LRRC4C: variants seen among roughly 807,000 people sequenced by gnomAD.
LRRC4C encodes leucine rich repeat containing 4C.
Under a neutral mutation model 33.6 loss-of-function variants are expected in LRRC4C, and 5 were observed. The observed-to-expected ratio is 0.15, with a 90% CI of 0.08 to 0.31. The LOEUF (loss-of-function observed/expected upper bound fraction) is 0.31, where lower values mean the gene tolerates loss of function less well. Among genes scored for constraint, LRRC4C ranks in the 10% least tolerant of loss-of-function variants. LRRC4C has a pLI of 1.00. For missense variants in LRRC4C, 560 were observed against 796.7 expected, an observed-to-expected ratio of 0.70 and a Z score of 3.58; for synonymous variants, 329 against 302.0, an observed-to-expected ratio of 1.09 and a Z score of -0.93.
intron 3 of LRRC4C, among the ~76,000 whole-genome samples, chr11:40,506,218 A>C (rs1955025678): frequency 6.6e-6 from 1 of 152,206 alleles, no homozygotes; most frequent in Non-Finnish European, 1.5e-5. Flanking sequence ...ATTTATAATG[A>C]TGAGATGAAG....
At chr11:41,024,608 T>TG (rs1365048694) in intron 1 of LRRC4C, among the ~76,000 whole-genome samples, 17 of 151,708 alleles carry the variant, frequency 1.1e-4, no homozygotes, top group African/African-American at 3.6e-4. Context: ...AGCAACCTTA[T>TG]GTCTTATTTA....
rs141416534 is a variant in LRRC4C at position 40,343,572 on chromosome 11, T to C, written c.-269-23851A>G. Among the ~76,000 whole-genome samples the C allele has an allele frequency of 2.2e-3, 341 of 152,098 alleles. 3 individuals are homozygous for C. Among genetic ancestry groups the C allele is most frequent in the African/African-American group, 7.8e-3 (322 of 41,530 alleles). On this transcript the variant is annotated intron_variant, in intron 3 of 6. Transcript: ENST00000528697. ...CCCCTCTTTGGTCCATGCGTTCTCA[T>C]TGATTAGCTCCCACTTATAAGTGAG...
intron 1 of LRRC4C, among the ~76,000 whole-genome samples, chr11:41,065,850 A>G (rs1938194634): frequency 6.6e-6 from 1 of 152,202 alleles, no homozygotes; most frequent in South Asian, 2.1e-4. Flanking sequence ...TAACACAGAG[A>G]CGCAGAAATA....
At chr11:40,266,931 C>T (rs1397645049) in intron 4 of LRRC4C, among the ~76,000 whole-genome samples, 1 of 148,572 alleles carries the variant, frequency 6.7e-6, no homozygotes, top group Admixed American at 6.7e-5. Context: ...GTTCTAAACA[C>T]ACACCACACC....
chr11:41,297,784 A>G (rs1591190384), intron 1 of LRRC4C, among the ~76,000 whole-genome samples: 1 of 152,336 alleles, frequency 6.6e-6, no homozygotes, highest in Non-Finnish European at 1.5e-5. Context: ...GATCCTTTTC[A>G]ATATAATGAT....
chr11:41,379,728 T>G (rs1461004392), intron 1 of LRRC4C, among the ~76,000 whole-genome samples: 1 of 152,050 alleles, frequency 6.6e-6, no homozygotes, highest in Non-Finnish European at 1.5e-5. Flanking sequence ...GCCTCAGTAC[T>G]TAACACTGGT....
chr11:41,056,676 A>G (rs1565341729), intron 1 of LRRC4C, among the ~76,000 whole-genome samples: 1 of 152,238 alleles, frequency 6.6e-6, no homozygotes, highest in Non-Finnish European at 1.5e-5. Context: ...CGATACCACT[A>G]ATCATTAGAT....
intron 6 of LRRC4C, among the ~76,000 whole-genome samples, chr11:40,122,056 G>A (rs1285844964): frequency 6.6e-6 from 1 of 151,972 alleles, no homozygotes; most frequent in African/African-American, 2.4e-5. Context: ...ATCCTTATAG[G>A]AACTTCCCCC....
rs185266900 is a variant in LRRC4C, at chr11:41,331,563, G to A, written c.-496+127868C>T. On this transcript the variant is annotated intron_variant, in intron 1 of 6. Transcript: ENST00000528697. ...CACTCACTCTGCTCCCAGCACAGTA[G>A]ACATCTTGCTGTTTCTTAATACACC... 3.3e-5 allele frequency among the ~76,000 whole-genome samples: 5 copies of A among 152,290 alleles called. No homozygotes were observed. In the East Asian group the frequency reaches 7.7e-4, roughly 24 times the overall value.
At chr11:40,579,360 G>A (rs943707084) in intron 3 of LRRC4C, among the ~76,000 whole-genome samples, 2 of 151,814 alleles carry the variant, frequency 1.3e-5, no homozygotes, top group African/African-American at 4.8e-5. Flanking sequence ...AGTACATTAA[G>A]TAAGAAGTGT....
At position 40,898,520 on chromosome 11, in the gene LRRC4C, ATGGC is replaced by A. The variant is rs1283337395; in HGVS notation, c.-407+35111_-407+35114del. Among the ~76,000 whole-genome samples the A allele has an allele frequency of 3.3e-5, 5 of 151,954 alleles. No individual in the cohort carries two copies. The East Asian group carries it at 9.6e-4, about 29-fold the overall frequency. ...AATCTGATCTCAGATTGTATCGCAA[ATGGC>A]TCTAAATTCATGCTTCACAAACATA... On this transcript the variant is annotated intron_variant, in intron 2 of 6. Coordinates refer to ENST00000528697, the MANE Select transcript of LRRC4C (RefSeq NM_001258419.2).
chr11:41,250,942 A>G (rs1404509870), intron 1 of LRRC4C, among the ~76,000 whole-genome samples: 1 of 152,160 alleles, frequency 6.6e-6, no homozygotes, highest in South Asian at 2.1e-4. Context: ...ATTTTGCAGC[A>G]TTTTCTATAT....
rs79833270 is a variant in LRRC4C at position 41,373,423 on chromosome 11, A to G, written c.-496+86008T>C. ...GTAAAACTGTCAGTTAAATTTTTAA[A>G]CTATTAAGAAACAGTTAATTCAGAT... On this transcript the variant is annotated intron_variant, in intron 1 of 6. Coordinates refer to ENST00000528697, the MANE Select transcript of LRRC4C (RefSeq NM_001258419.2). 5.0e-3 allele frequency among the ~76,000 whole-genome samples: 760 copies of G among 152,326 alleles called. 5 individuals carry two copies. The highest frequency in any genetic ancestry group is 0.017 in the African/African-American group (690 of 41,588).
chr11:40,696,298 A>ATATG (rs1945516555), intron 2 of LRRC4C, among the ~76,000 whole-genome samples: 1 of 98,822 alleles, frequency 1.0e-5, no homozygotes, highest in African/African-American at 7.7e-5. Context: ...ATATATATAT[A>ATATG]TGGTATATAT....
At chr11:40,173,980 C>T (rs1226265980) in intron 5 of LRRC4C, among the ~76,000 whole-genome samples, 1 of 152,118 alleles carries the variant, frequency 6.6e-6, no homozygotes, top group Non-Finnish European at 1.5e-5. Context: ...GTTTAACTTA[C>T]CAATGTGCAA....
intron 1 of LRRC4C, among the ~76,000 whole-genome samples, chr11:40,937,393 C>T (rs1170463323): frequency 1.3e-5 from 2 of 152,018 alleles, no homozygotes; most frequent in African/African-American, 2.4e-5. Context: ...TGATGGGATC[C>T]ATACCCCAAA....
intron 1 of LRRC4C, among the ~76,000 whole-genome samples, chr11:40,960,261 C>A (rs1360530200): frequency 6.6e-6 from 1 of 151,564 alleles, no homozygotes; most frequent in Non-Finnish European, 1.5e-5. Context: ...TATCAAATTT[C>A]TAATTTGTGT....
chr11:41,430,753 T>C (rs1408643470), intron 1 of LRRC4C, among the ~76,000 whole-genome samples: 1 of 152,104 alleles, frequency 6.6e-6, no homozygotes, highest in Admixed American at 6.6e-5. Context: ...TTTAAAAATA[T>C]GTTATTGTAA....
intron 2 of LRRC4C, among the ~76,000 whole-genome samples, chr11:40,709,744 G>C (rs1946366173): frequency 6.6e-6 from 1 of 152,148 alleles, no homozygotes; most frequent in Non-Finnish European, 1.5e-5. Flanking sequence ...TGCCTTGCTA[G>C]GTTGGGGAAG....
Sources: gnomAD v4.1 joint callset for allele counts (sites outside exome capture counted in the v4.1 genomes callset) on GRCh38, gnomAD v4.1.1 for gene constraint, MANE v1.5 for transcripts, NCBI Gene and HGNC (gene_info 2026-07-23, HGNC 2026-07-21) for gene names.